KCNMA1: variants seen among roughly 807,000 people sequenced by gnomAD.
The protein encoded by KCNMA1 is Calcium-activated potassium channel subunit alpha-1.
A neutral mutation model predicts 140.0 loss-of-function variants in KCNMA1; 29 were observed. The ratio of observed to expected loss-of-function variants is 0.21; its 90% CI spans 0.15 to 0.28. The LOEUF (loss-of-function observed/expected upper bound fraction) is 0.28, where lower values mean the gene tolerates loss of function less well. KCNMA1 is among the 10% of genes least tolerant of loss of function. The probability of loss-of-function intolerance (pLI) is 1.00; values close to 1 mark genes in which losing one functional copy is unlikely to be tolerated. For missense variants in KCNMA1, 880 were observed against 1,602.2 expected (o/e 0.55, Z 7.70); for synonymous variants, 612 against 611.9 (o/e 1.00, Z 0.00).
At chr10:76,942,808 T>C (rs2152857649) in intron 23 of KCNMA1, among the ~76,000 whole-genome samples, 1 of 152,278 alleles carries the variant, frequency 6.6e-6, no homozygotes, top group South Asian at 2.1e-4. Context: ...TGTCTGTACT[T>C]AAAGGGAGAA....
chr10:77,581,958 T>A (rs1309905379), intron 1 of KCNMA1, among the ~76,000 whole-genome samples: 1 of 152,250 alleles, frequency 6.6e-6, no homozygotes, highest in African/African-American at 2.4e-5. Context: ...TCTGATCTCC[T>A]GGCAAGAAAG....
intron 5 of KCNMA1, among the ~76,000 whole-genome samples, chr10:77,179,178 G>C (rs772900891): frequency 6.6e-6 from 1 of 152,184 alleles, no homozygotes; most frequent in African/African-American, 2.4e-5. Flanking sequence ...TTAGCCCATT[G>C]TACAGGTGAG....
At chr10:77,329,740 G>A (rs1422133427) in intron 2 of KCNMA1, among the ~76,000 whole-genome samples, 1 of 152,136 alleles carries the variant, frequency 6.6e-6, no homozygotes, top group Non-Finnish European at 1.5e-5. Context: ...ATATTTAGTA[G>A]GAGCAAGGCT....
In KCNMA1 at chr10:76,924,632, G is replaced by A. The variant is rs569648286; in HGVS notation, c.2903-9583C>T. Reference sequence around the variant, plus strand: ...ATCTGTAAGGGTCTGACAGGTCTTTGAACATCCACTTGATTTGGCAGTTAA... The same window carrying A: ...ATCTGTAAGGGTCTGACAGGTCTTTAAACATCCACTTGATTTGGCAGTTAA... On this transcript the variant is annotated intron_variant, in intron 23 of 27. Transcript: ENST00000286628. Among the ~76,000 whole-genome samples the A allele has an allele frequency of 2.2e-4, 33 of 152,246 alleles. 2 individuals are homozygous for A. Among genetic ancestry groups the A allele is most frequent in the African/African-American group, 7.9e-4 (33 of 41,550 alleles).
chr10:76,882,600 CCTT>C (rs1213770191), downstream of KCNMA1, among the ~76,000 whole-genome samples: 2 of 152,178 alleles, frequency 1.3e-5, no homozygotes, highest in Admixed American at 6.5e-5. Context: ...TTATGAAAAA[CCTT>C]CTCACTTCTT....
At position 77,324,959 on chromosome 10, in the gene KCNMA1, C is replaced by G. The variant is rs866657322; in HGVS notation, c.541-73703G>C. Among the ~76,000 whole-genome samples, 938 of 121,168 alleles carry G rather than the reference C, an allele frequency of 7.7e-3. 5 individuals carry two copies. The highest frequency in any genetic ancestry group is 0.02 in the Middle Eastern group (5 of 250). 79.5% of individuals were successfully genotyped at this position (121,168 alleles called of 152,430 possible). ...CTCTAGACTCTCTCTCTCTCTCTCT[C>G]TCTCTCTCTCTCTGTGTGTGTGTGT... On this transcript the variant is annotated intron_variant, in intron 2 of 27. Transcript: ENST00000286628.
At chr10:76,960,213 G>A (rs1271264936) in intron 20 of KCNMA1, among the ~76,000 whole-genome samples, 1 of 152,164 alleles carries the variant, frequency 6.6e-6, no homozygotes. Context: ...AGTGTCCACA[G>A]CTAGAAATTC....
intron 1 of KCNMA1, among the ~76,000 whole-genome samples, chr10:77,440,510 G>A (rs529089113): frequency 1.3e-5 from 2 of 152,136 alleles, no homozygotes; most frequent in Non-Finnish European, 2.9e-5. Context: ...AGGAAGACTC[G>A]GTCCAGGGGA....
At chr10:77,028,802 A>G (rs2093691967) in intron 15 of KCNMA1, among the ~76,000 whole-genome samples, 1 of 152,230 alleles carries the variant, frequency 6.6e-6, no homozygotes, top group Non-Finnish European at 1.5e-5. Context: ...GAATAGACCC[A>G]CCGATACAGA....
intron 2 of KCNMA1, among the ~76,000 whole-genome samples, chr10:77,382,115 A>G (rs1036667040): frequency 6.6e-6 from 1 of 152,154 alleles, no homozygotes; most frequent in Non-Finnish European, 1.5e-5. Flanking sequence ...TCAGGCACTC[A>G]TCAGCCACCT....
In KCNMA1 at chr10:76,887,214, T is replaced by G; in HGVS notation, c.*52A>C. On this transcript the variant is annotated 3_prime_UTR_variant, in exon 28 of 28. Coordinates refer to ENST00000286628, the MANE Select transcript of KCNMA1 (RefSeq NM_001161352.2). ...AAGTTACTTTGTTGGAAACACCAAC[T>G]GGGGAAATGAGTGGCAGATACAGTT... The G allele has an allele frequency of 6.2e-7, 1 of 1,613,638 alleles. No homozygotes were observed. Among genetic ancestry groups the G allele is most frequent in the Non-Finnish European group, 8.5e-7 (1 of 1,179,962 alleles).
intron 1 of KCNMA1, among the ~76,000 whole-genome samples, chr10:77,474,212 G>T (rs948550134): frequency 2.0e-5 from 3 of 152,244 alleles, no homozygotes; most frequent in African/African-American, 4.8e-5. Flanking sequence ...GTGAGAGAGA[G>T]TGTTACGGAC....
intron 2 of KCNMA1, among the ~76,000 whole-genome samples, chr10:77,264,949 C>A (rs1164234935): frequency 6.6e-6 from 1 of 152,004 alleles, no homozygotes; most frequent in Non-Finnish European, 1.5e-5. Flanking sequence ...GCAGGGGACA[C>A]AAAACTGAAG....
At chr10:76,875,163 T>C (rs1345007861), downstream of KCNMA1, 5 of 152,216 alleles carry the variant, frequency 3.3e-5, no homozygotes. Context: ...TCTGTTTCCA[T>C]TTCGTTTCTA....
intron 2 of KCNMA1, among the ~76,000 whole-genome samples, chr10:77,308,242 C>G (rs1202980106): frequency 6.6e-6 from 1 of 152,166 alleles, no homozygotes; most frequent in Admixed American, 6.5e-5. Flanking sequence ...ATGGCTGTCA[C>G]TCCCCAGGTG....
chr10:77,400,395 T>A (rs767834279), intron 2 of KCNMA1, among the ~76,000 whole-genome samples: 5 of 152,222 alleles, frequency 3.3e-5, no homozygotes, highest in African/African-American at 1.2e-4. Flanking sequence ...CAAAGAGGCC[T>A]GAGTGGACCA....
chr10:77,091,804 C>T (rs1226838255), intron 9 of KCNMA1: 2 of 152,184 alleles, frequency 1.3e-5, no homozygotes, highest in Non-Finnish European at 2.9e-5. Flanking sequence ...GTGATGATGG[C>T]TTATGCAATG....
At chr10:77,215,685 T>A (rs1024868372) in intron 3 of KCNMA1, among the ~76,000 whole-genome samples, 2 of 152,158 alleles carry the variant, frequency 1.3e-5, no homozygotes, top group Non-Finnish European at 1.5e-5. Context: ...TGATGTGCTA[T>A]GAACTGGATT....
chr10:77,540,391 A>C (rs1031154105), intron 1 of KCNMA1, among the ~76,000 whole-genome samples: 1 of 152,230 alleles, frequency 6.6e-6, no homozygotes, highest in African/African-American at 2.4e-5. Flanking sequence ...ACATTTTACA[A>C]ATGAGCAAAC....
Sources: gnomAD v4.1 joint callset for allele counts (sites outside exome capture counted in the v4.1 genomes callset) on GRCh38, gnomAD v4.1.1 for gene constraint, MANE v1.5 for transcripts, NCBI Gene and HGNC (gene_info 2026-07-23, HGNC 2026-07-21) for gene names.